ZNF609: variants seen among roughly 807,000 people sequenced by gnomAD.
ZNF609 encodes the protein zinc finger protein 609.
ZNF609 carries 11 observed loss-of-function variants against 109.5 expected under a neutral mutation model. The observed-to-expected ratio is 0.10, with a 90% CI of 0.06 to 0.17. The LOEUF is 0.17. Ranked by LOEUF, ZNF609 falls within the 10% of genes least tolerant of loss-of-function variation. The pLI, the probability that ZNF609 is intolerant of heterozygous loss-of-function variation, is 1.00. For synonymous variants in ZNF609, 646 were observed against 662.0 expected, an observed-to-expected ratio of 0.98 and a Z score of 0.37; for missense variants, 1,559 against 1,772.4, an observed-to-expected ratio of 0.88 and a Z score of 2.16.
At chr15:64,525,673 TAAC>T (rs1893958845) in intron 2 of ZNF609, among the ~76,000 whole-genome samples, 1 of 152,216 alleles carries the variant, frequency 6.6e-6, no homozygotes, top group African/African-American at 2.4e-5. Context: ...TCTGCAATCT[TAAC>T]AATAAAAAAT....
rs141997507 is a variant in ZNF609 at position 64,578,153 on chromosome 15, T to A, written c.748-44674T>A. Among the ~76,000 whole-genome samples, 248 of 152,168 alleles carry A rather than the reference T, an allele frequency of 1.6e-3. 6 individuals are homozygous for A. The East Asian group carries it at 0.025, about 15-fold the overall frequency. On this transcript the variant is annotated intron_variant, in intron 2 of 9. Coordinates refer to ENST00000326648, the MANE Select transcript of ZNF609 (RefSeq NM_015042.2). Reference sequence around the variant, plus strand: ...AAGTTTAAGATTTATTTATTTATTTTTTTATTTTTTTGAGACAGTCTTGCA... The same window carrying A: ...AAGTTTAAGATTTATTTATTTATTTATTTATTTTTTTGAGACAGTCTTGCA...
intron 2 of ZNF609, chr15:64,502,633 G>A (rs1204523546): frequency 6.6e-6 from 1 of 152,174 alleles, no homozygotes; most frequent in South Asian, 2.1e-4. Flanking sequence ...CAGATGTTTT[G>A]ATATAATCTA....
intron 2 of ZNF609, among the ~76,000 whole-genome samples, chr15:64,579,342 T>G (rs1595726283): frequency 7.1e-6 from 1 of 141,526 alleles, no homozygotes; most frequent in Non-Finnish European, 1.5e-5. Context: ...GCCCAGGAGG[T>G]CAAGCTGCAG....
chr15:64,583,293 A>G (rs150262908), intron 2 of ZNF609, among the ~76,000 whole-genome samples: 1,985 of 150,818 alleles, frequency 0.013, 33 homozygotes, highest in African/African-American at 0.047. Flanking sequence ...CAGTGAGCCA[A>G]GATTGCGCCA....
At position 64,460,701 on chromosome 15, in the gene ZNF609, A is replaced by G. The variant is rs1596371325; in HGVS notation, c.-265A>G. ...GGAGGGGGCAGAGAGCCAGAGCCGG[A>G]GCCGGAGCCGGAGCCGGGGTGGGGT... On this transcript the variant is annotated 5_prime_UTR_variant, in exon 1 of 10. Transcript: ENST00000326648. 1.2e-5 allele frequency: 1 copy of G among 86,478 alleles called. No individual in the cohort carries two copies. Among genetic ancestry groups the G allele is most frequent in the Non-Finnish European group, 2.1e-5 (1 of 46,832 alleles). The allele number at this position is 86,478 out of a possible 1,614,324, so 5.4% of individuals were successfully genotyped here.
chr15:64,529,555 T>A, intron 2 of ZNF609: 1 of 1,352,228 alleles, frequency 7.4e-7, no homozygotes, highest in Non-Finnish European at 1.0e-6. Flanking sequence ...GTAGTTGAGG[T>A]CAATGAAGGG....
At chr15:64,487,238 A>G (rs1461020548) in intron 1 of ZNF609, among the ~76,000 whole-genome samples, 1 of 152,028 alleles carries the variant, frequency 6.6e-6, no homozygotes, top group African/African-American at 2.4e-5. Flanking sequence ...GTCTCCCTCC[A>G]TCCCTCCCAT....
chr15:64,634,078 A>ATGTG (rs894521951), intron 3 of ZNF609, among the ~76,000 whole-genome samples: 1 of 151,532 alleles, frequency 6.6e-6, no homozygotes, highest in African/African-American at 2.4e-5. Context: ...GCATATATAT[A>ATGTG]TGTGTGTGTG....
At chr15:64,553,774 A>G (rs958965786) in intron 2 of ZNF609, among the ~76,000 whole-genome samples, 42 of 151,590 alleles carry the variant, frequency 2.8e-4, no homozygotes, top group African/African-American at 9.7e-4. Context: ...AATTTTTTGT[A>G]TTTTTAGTAG....
intron 1 of ZNF609, among the ~76,000 whole-genome samples, chr15:64,490,209 C>T (rs1257888545): frequency 2.0e-5 from 3 of 151,718 alleles, no homozygotes; most frequent in South Asian, 2.1e-4. Context: ...GTAATCCTCC[C>T]GCCTCAGTCT....
chr15:64,553,002 A>G (rs972359437), intron 2 of ZNF609, among the ~76,000 whole-genome samples: 1 of 152,186 alleles, frequency 6.6e-6, no homozygotes. Context: ...GTGGTCCAGC[A>G]CTGTTTAAAA....
chr15:64,667,598 G>A (rs1468758124), intron 3 of ZNF609, among the ~76,000 whole-genome samples: 1 of 152,104 alleles, frequency 6.6e-6, no homozygotes, highest in African/African-American at 2.4e-5. Context: ...CGTAATCCCA[G>A]CTACTCAGGA....
Position 64,635,001 on chromosome 15 carries a change from C to T in ZNF609, c.973+11949C>T, listed in dbSNP as rs146374864. Reference sequence around the variant, plus strand: ...GTGGATTGTGTTATATGTCCACTGTCATACATTTAAATCCTGAAGACCTTG... The same window carrying T: ...GTGGATTGTGTTATATGTCCACTGTTATACATTTAAATCCTGAAGACCTTG... On this transcript the variant is annotated intron_variant, in intron 3 of 9. Transcript: ENST00000326648. Among the ~76,000 whole-genome samples the T allele has an allele frequency of 4.1e-3, 629 of 152,262 alleles. 1 individual carries two copies. Among genetic ancestry groups the T allele is most frequent in the Non-Finnish European group, 6.9e-3 (471 of 68,034 alleles).
In ZNF609 at chr15:64,675,651, G is replaced by C; in HGVS notation, c.2797G>C (p.Glu933Gln). 1 of 1,614,088 alleles carries C rather than the reference G, an allele frequency of 6.2e-7. No homozygotes were observed. Among genetic ancestry groups the C allele is most frequent in the Non-Finnish European group, 8.5e-7 (1 of 1,180,034 alleles). Reference sequence around the variant, plus strand: ...GAAGACAAAAAGGGATGAGGAACCTGAGAGCATAGAAGGGAAAGTGAAGAA... The same window carrying C: ...GAAGACAAAAAGGGATGAGGAACCTCAGAGCATAGAAGGGAAAGTGAAGAA... ...ALKTKRDEEP[E>Q]SIEGKVKNDI... is the part of the protein sequence containing the mutation. Residue 933 changes from glutamate to glutamine, a missense_variant, in exon 5 of 10, where the codon GAG (glutamate) becomes CAG (glutamine). This residue lies in a region of ZNF609 where 1,204 missense variants were observed against 1,314.1 expected (regional missense o/e 0.92). Coordinates refer to ENST00000326648, the MANE Select transcript of ZNF609 (RefSeq NM_015042.2).
intron 3 of ZNF609, among the ~76,000 whole-genome samples, chr15:64,626,355 T>C (rs1306065615): frequency 6.6e-6 from 1 of 152,186 alleles, no homozygotes; most frequent in Non-Finnish European, 1.5e-5. Context: ...CAAAGATCAT[T>C]CTCTGAAGAT....
chr15:64,479,264 C>G (rs956396358), intron 1 of ZNF609, among the ~76,000 whole-genome samples: 2 of 145,368 alleles, frequency 1.4e-5, no homozygotes, highest in Admixed American at 6.9e-5. Flanking sequence ...ATAACAAAAC[C>G]TATATATTGT....
intron 2 of ZNF609, among the ~76,000 whole-genome samples, chr15:64,514,936 CTTT>C (rs1197995772): frequency 6.6e-6 from 1 of 151,890 alleles, no homozygotes; most frequent in African/African-American, 2.4e-5. Context: ...TGCGCCCACC[CTTT>C]TTTTTAAAAT....
At chr15:64,651,058 G>C (rs1472785525) in intron 3 of ZNF609, among the ~76,000 whole-genome samples, 2 of 152,134 alleles carry the variant, frequency 1.3e-5, no homozygotes, top group African/African-American at 4.8e-5. Flanking sequence ...GCAACTTTGT[G>C]AGGAGGGAAT....
intron 2 of ZNF609, among the ~76,000 whole-genome samples, chr15:64,507,016 C>T (rs1334050431): frequency 6.6e-6 from 1 of 152,036 alleles, no homozygotes; most frequent in South Asian, 2.1e-4. Flanking sequence ...GTTCTAAAGC[C>T]CCTGATAATT....
Sources: gnomAD v4.1 joint callset for allele counts (sites outside exome capture counted in the v4.1 genomes callset) on GRCh38, gnomAD v4.1.1 for gene constraint, gnomAD v4.1.1 regional missense constraint, MANE v1.5 for transcripts, NCBI Gene and HGNC (gene_info 2026-07-23, HGNC 2026-07-21) for gene names.